CPPED1: variants seen among roughly 807,000 people sequenced by gnomAD.
The protein encoded by CPPED1 is calcineurin like phosphoesterase domain containing 1.
In CPPED1, 28 loss-of-function variants were observed where a neutral mutation model predicts 28.0. The observed-to-expected ratio is 1.00, with a 90% CI of 0.74 to 1.37. The LOEUF (loss-of-function observed/expected upper bound fraction) is 1.37, where lower values mean the gene tolerates loss of function less well. CPPED1 is among the 40% of genes most tolerant of loss of function. CPPED1 has a pLI of 0.00. For synonymous variants in CPPED1, 198 were observed against 180.2 expected, an observed-to-expected ratio of 1.10 and a Z score of -0.79; for missense variants, 504 against 416.5, an observed-to-expected ratio of 1.21 and a Z score of -1.83.
chr16:12,780,948 G>C (rs1233339730), intron 2 of CPPED1: 4 of 532,758 alleles, frequency 7.5e-6, no homozygotes, highest in African/African-American at 3.8e-5. Flanking sequence ...TTCATATTAA[G>C]CTCAAATCAT....
intron 3 of CPPED1, among the ~76,000 whole-genome samples, chr16:12,671,361 G>C (rs891026442): frequency 1.3e-5 from 2 of 152,090 alleles, no homozygotes; most frequent in Non-Finnish European, 2.9e-5. Context: ...TGGGGAACAG[G>C]AAGGAAACAG....
rs1596457613 is a variant in CPPED1 at position 12,716,054 on chromosome 16, G to A, written c.290-11005C>T. Among the ~76,000 whole-genome samples, 6 of 152,320 alleles carry A rather than the reference G, an allele frequency of 3.9e-5. No homozygotes were observed. In the South Asian group the frequency reaches 1.2e-3, roughly 32 times the overall value. ...GCCAAGAAGTAACATGGACTGAACA[G>A]AACTATGATACCGGGCACAGAAAAG... On this transcript the variant is annotated intron_variant, in intron 2 of 3. Coordinates refer to ENST00000381774, the MANE Select transcript of CPPED1 (RefSeq NM_018340.3).
Position 12,704,950 on chromosome 16 carries a change from A to G in CPPED1, c.389T>C (p.Ile130Thr), listed in dbSNP as rs747679788. 4 of 1,614,058 alleles carry G rather than the reference A, an allele frequency of 2.5e-6. No individual in the cohort carries two copies. The African/African-American group carries it at 5.3e-5, about 22-fold the overall frequency. ...GGTCTCGGCCGTGGGGGTGTTGCCA[A>G]TGTCATGGTTGCCGCTGACAAGGAC... ...PLVLVSGNHDIGNTPTAETVE... is the reference protein window; with the variant it reads ...PLVLVSGNHDTGNTPTAETVE... Residue 130 changes from isoleucine to threonine, a missense_variant, in exon 3 of 4, where the codon ATT becomes ACT. Transcript: ENST00000381774.
intron 2 of CPPED1, chr16:12,753,273 C>T (rs2080342472): frequency 6.6e-6 from 1 of 152,080 alleles, no homozygotes; most frequent in Admixed American, 6.6e-5. Flanking sequence ...GACGTCTGTC[C>T]CCAGCAGAGC....
intron 2 of CPPED1, among the ~76,000 whole-genome samples, chr16:12,752,515 A>G (rs1003590610): frequency 1.3e-5 from 2 of 151,840 alleles, no homozygotes; most frequent in African/African-American, 4.8e-5. Context: ...AGTAGATCAA[A>G]TTTATTAAAT....
chr16:12,676,763 A>C (rs1398706129), intron 3 of CPPED1, among the ~76,000 whole-genome samples: 1 of 152,166 alleles, frequency 6.6e-6, no homozygotes. Flanking sequence ...GGTAATAATA[A>C]TAATGATGAT....
At chr16:12,672,302 A>G (rs2079856497) in intron 3 of CPPED1, among the ~76,000 whole-genome samples, 1 of 152,226 alleles carries the variant, frequency 6.6e-6, no homozygotes, top group South Asian at 2.1e-4. Flanking sequence ...TATCCTTCAG[A>G]AATCCCCAGG....
At position 12,664,982 on chromosome 16, in the gene CPPED1, G is replaced by GACCACCACGACTCGGAGCCC; in HGVS notation, c.829_848dup (p.Thr284GlyfsTer19). 6.2e-7 allele frequency: 1 copy of GACCACCACGACTCGGAGCCC among 1,611,462 alleles called. No homozygotes were observed. On this transcript the variant is annotated frameshift_variant, in exon 4 of 4. Transcript: ENST00000381774. LOFTEE classifies it high-confidence loss of function. The surrounding 1 kb of genome is among the most constrained non-coding windows in gnomAD (Gnocchi z 4.2). ...ATCGGTGAACAATTTTCTCGGCGGT[G>GACCACCACGACTCGGAGCCC]ACCACCACGACTCGGAGCCCGTGGG...
chr16:12,784,356 A>G (rs553050944), intron 1 of CPPED1, among the ~76,000 whole-genome samples: 16 of 152,178 alleles, frequency 1.1e-4, no homozygotes, highest in African/African-American at 2.9e-4. Context: ...GCCTTATAAG[A>G]CTCTGTGGCA....
At chr16:12,694,297 C>G (rs1323590536) in intron 3 of CPPED1, among the ~76,000 whole-genome samples, 1 of 152,196 alleles carries the variant, frequency 6.6e-6, no homozygotes, top group Admixed American at 6.5e-5. Flanking sequence ...GTTCATCCCT[C>G]CATCCTCAGT....
rs2141166078 is a variant in CPPED1 at position 12,670,227 on chromosome 16, T to G, written c.716-5112A>C. 6.6e-6 allele frequency among the ~76,000 whole-genome samples: 1 copy of G among 152,300 alleles called. No homozygotes were observed. Among genetic ancestry groups the G allele is most frequent in the South Asian group, 2.1e-4 (1 of 4,824 alleles). On this transcript the variant is annotated intron_variant, in intron 3 of 3. Transcript: ENST00000381774. The surrounding 1 kb of genome is among the most constrained non-coding windows in gnomAD (Gnocchi z 4.2). ...GGAGGATTGCTTGAGCCTGGAAGTT[T>G]GAAGCTACAGTGAGCTATGACCGCA...
intron 2 of CPPED1, among the ~76,000 whole-genome samples, chr16:12,748,937 A>C (rs892825221): frequency 2.0e-5 from 3 of 150,792 alleles, no homozygotes; most frequent in Non-Finnish European, 4.4e-5. Context: ...ACATACCTTA[A>C]TTAAAAATAC....
intron 2 of CPPED1, among the ~76,000 whole-genome samples, chr16:12,724,096 C>T (rs1358514128): frequency 6.6e-6 from 1 of 152,148 alleles, no homozygotes; most frequent in Non-Finnish European, 1.5e-5. Context: ...CCACTCCGGC[C>T]CCCAGGTTCC....
At chr16:12,798,353 A>T (rs988124230) in intron 1 of CPPED1, among the ~76,000 whole-genome samples, 1 of 152,234 alleles carries the variant, frequency 6.6e-6, no homozygotes, top group Non-Finnish European at 1.5e-5. Context: ...TGTATGGCAC[A>T]ATTTAAAGCA....
intron 2 of CPPED1, among the ~76,000 whole-genome samples, chr16:12,735,056 T>C (rs2080219691): frequency 6.6e-6 from 1 of 152,074 alleles, no homozygotes; most frequent in Admixed American, 6.6e-5. Context: ...GGGAGTACTA[T>C]CTGGAGGGTC....
Position 12,669,821 on chromosome 16 carries a change from G to C in CPPED1, c.716-4706C>G, listed in dbSNP as rs1238000031. Among the ~76,000 whole-genome samples, 6 of 152,298 alleles carry C rather than the reference G, an allele frequency of 3.9e-5. No homozygotes were observed. In the East Asian group the frequency reaches 1.2e-3, roughly 29 times the overall value. On this transcript the variant is annotated intron_variant, in intron 3 of 3. Coordinates refer to ENST00000381774, the MANE Select transcript of CPPED1 (RefSeq NM_018340.3). ...ACCATAGCATTGAGCAAGAAATACAGAAGATGAACCTGGAACATCTTGTGT... is the reference window on the plus strand; with the variant it reads ...ACCATAGCATTGAGCAAGAAATACACAAGATGAACCTGGAACATCTTGTGT...
At chr16:12,797,731 CG>C (rs2141247597) in intron 1 of CPPED1, among the ~76,000 whole-genome samples, 1 of 152,096 alleles carries the variant, frequency 6.6e-6, no homozygotes, top group South Asian at 2.1e-4. Flanking sequence ...CAAAAAATTC[CG>C]AACTTTTAAG....
At position 12,704,984 on chromosome 16, in the gene CPPED1, T is replaced by C. The variant is rs772741061; in HGVS notation, c.355A>G (p.Ile119Val). Residue 119 changes from isoleucine to valine, a missense_variant, in exon 3 of 4, where the codon ATC (isoleucine) becomes GTC (valine). Coordinates refer to ENST00000381774, the MANE Select transcript of CPPED1 (RefSeq NM_018340.3). Reference protein sequence around the residue: ...KRVLRAVDRAIPLVLVSGNHD... With the variant: ...KRVLRAVDRAVPLVLVSGNHD... ...TTGCCGCTGACAAGGACCAGTGGGA[T>C]GGCCCTGTCCACTGCCCTAAGCACT... 6.8e-6 allele frequency: 11 copies of C among 1,614,212 alleles called. No homozygotes were observed. Among genetic ancestry groups the C allele is most frequent in the Non-Finnish European group, 9.3e-6 (11 of 1,180,040 alleles).
At chr16:12,784,520 A>G (rs187077264) in intron 1 of CPPED1, among the ~76,000 whole-genome samples, 246 of 151,598 alleles carry the variant, frequency 1.6e-3, no homozygotes, top group Non-Finnish European at 2.9e-3. Flanking sequence ...AGAAGTAGAC[A>G]ACAAGATTTC....
Sources: gnomAD v4.1 joint callset for allele counts (sites outside exome capture counted in the v4.1 genomes callset) on GRCh38, gnomAD v4.1.1 for gene constraint, Gnocchi (gnomAD v3.1) non-coding constraint, MANE v1.5 for transcripts, NCBI Gene and HGNC (gene_info 2026-07-23, HGNC 2026-07-21) for gene names.